IGFL4: variants seen among roughly 807,000 people sequenced by gnomAD.
IGFL4 encodes IGF like family member 4, also known as insulin growth factor-like family member 4.
IGFL4 carries 12 observed loss-of-function variants against 15.4 expected under a neutral mutation model. That is an observed-to-expected ratio of 0.78 (90% CI 0.50 to 1.26). The LOEUF (loss-of-function observed/expected upper bound fraction) is 1.26, where lower values mean the gene tolerates loss of function less well. IGFL4 is among the 50% of genes most tolerant of loss of function. IGFL4 has a pLI of 0.00. For synonymous variants in IGFL4, 54 were observed against 55.9 expected (o/e 0.97, Z 0.16); for missense variants, 126 against 147.8 (o/e 0.85, Z 0.76).
At chr19:46,059,835 G>C (rs961837945) in intron 2 of IGFL4, 2 of 152,120 alleles carry the variant, frequency 1.3e-5, no homozygotes, top group African/African-American at 4.8e-5. Context: ...TAAAAGCTGA[G>C]CCCAGCCGTG....
chr19:46,071,693 C>A (rs899879372), intron 1 of IGFL4, among the ~76,000 whole-genome samples: 2 of 152,166 alleles, frequency 1.3e-5, no homozygotes, highest in Admixed American at 1.3e-4. Context: ...AAGAAAATAA[C>A]AGCCAACAAA....
rs1031250724 is a variant in IGFL4 at position 46,059,684 on chromosome 19, A to G, written c.-323+501T>C. On this transcript the variant is annotated intron_variant, in intron 2 of 5. Transcript: ENST00000601672. ...TCCCATTTTTTACTAAAGACAAATCATGGCAAAACCAATTTGCTTTATTAT... is the reference window on the plus strand; with the variant it reads ...TCCCATTTTTTACTAAAGACAAATCGTGGCAAAACCAATTTGCTTTATTAT... 4.6e-5 allele frequency: 7 copies of G among 152,236 alleles called. No individual in the cohort carries two copies. The South Asian group carries it at 8.3e-4, about 18-fold the overall frequency. The allele number at this position is 152,236 out of a possible 1,614,324, so 9.4% of individuals were successfully genotyped here. A position where few individuals can be genotyped will look rare whatever the true frequency, so the allele number is the denominator to read the frequency against.
intron 1 of IGFL4, chr19:46,063,016 T>C (rs1165885022): frequency 1.3e-5 from 2 of 152,186 alleles, no homozygotes; most frequent in Non-Finnish European, 2.9e-5. Context: ...AGAGGGACTT[T>C]ACTGAGAGGG....
At chr19:46,067,035 A>G (rs948231738) in intron 1 of IGFL4, among the ~76,000 whole-genome samples, 6 of 152,130 alleles carry the variant, frequency 3.9e-5, no homozygotes, top group African/African-American at 7.2e-5. Context: ...GAACTCTGCA[A>G]TCTTGCTGTG....
chr19:46,055,276 C>T (rs1226240408), intron 2 of IGFL4, among the ~76,000 whole-genome samples: 1 of 152,052 alleles, frequency 6.6e-6, no homozygotes, highest in Non-Finnish European at 1.5e-5. Flanking sequence ...TGTTCTTTTC[C>T]AGATAGGGTC....
At chr19:46,069,298 A>G (rs1969523709) in intron 1 of IGFL4, among the ~76,000 whole-genome samples, 1 of 152,150 alleles carries the variant, frequency 6.6e-6, no homozygotes, top group African/African-American at 2.4e-5. Context: ...TACCCTCTGT[A>G]TTCTTCTCTC....
At chr19:46,067,799 G>C (rs1969509291) in intron 1 of IGFL4, among the ~76,000 whole-genome samples, 1 of 152,124 alleles carries the variant, frequency 6.6e-6, no homozygotes, top group Non-Finnish European at 1.5e-5. Flanking sequence ...GAAAGAGTCA[G>C]TCAGCCAGCC....
upstream of IGFL4, among the ~76,000 whole-genome samples, chr19:46,041,589 C>CT (rs763783373): frequency 5.8e-3 from 821 of 141,242 alleles, 2 homozygotes; most frequent in Admixed American, 8.7e-3. Flanking sequence ...AAAGCAGCAC[C>CT]TTTTTTTTTT....
chr19:46,056,743 G>A (rs1969396338), intron 2 of IGFL4, among the ~76,000 whole-genome samples: 1 of 152,110 alleles, frequency 6.6e-6, no homozygotes, highest in Non-Finnish European at 1.5e-5. Flanking sequence ...CTCCCTTTGA[G>A]CTGGAATTCT....
rs5828265 is a variant in IGFL4 at position 46,063,335 on chromosome 19, GCACACACACACA to G, written c.-431-3054_-431-3043del. Among the ~76,000 whole-genome samples the G allele has an allele frequency of 3.4e-5, 5 of 147,090 alleles. No individual in the cohort carries two copies. In the East Asian group the frequency reaches 6.1e-4, roughly 18 times the overall value. On this transcript the variant is annotated intron_variant, in intron 1 of 5. Coordinates refer to the IGFL4 transcript ENST00000601672. Reference sequence around the variant, plus strand: ...AAGAACATTTAGAACACACACGCATGCACACACACACACACACACACACACACACACATACAC... The same window carrying G: ...AAGAACATTTAGAACACACACGCATGCACACACACACACACACACATACAC...
intron 1 of IGFL4, among the ~76,000 whole-genome samples, chr19:46,070,184 T>A (rs905521296): frequency 6.6e-6 from 1 of 151,068 alleles, no homozygotes; most frequent in Non-Finnish European, 1.5e-5. Context: ...ACTTGAGGAA[T>A]GCATGTGTTC....
upstream of IGFL4, among the ~76,000 whole-genome samples, chr19:46,044,101 GC>G (rs1969274519): frequency 6.6e-6 from 1 of 152,282 alleles, no homozygotes; most frequent in South Asian, 2.1e-4. Flanking sequence ...GGGGACTCCT[GC>G]CCCCAGCCAA....
intron 2 of IGFL4, among the ~76,000 whole-genome samples, chr19:46,056,786 T>G (rs1314594568): frequency 6.6e-6 from 1 of 152,218 alleles, no homozygotes; most frequent in Admixed American, 6.5e-5. Flanking sequence ...AAGACAGAAA[T>G]GGAGCCCATT....
chr19:46,042,434 A>C (rs1442295055), upstream of IGFL4, among the ~76,000 whole-genome samples: 1 of 152,190 alleles, frequency 6.6e-6, no homozygotes, highest in African/African-American at 2.4e-5. Flanking sequence ...GCAACCAAGA[A>C]ATTTATGACC....
upstream of IGFL4, among the ~76,000 whole-genome samples, chr19:46,044,332 A>T (rs1427654449): frequency 6.6e-6 from 1 of 152,172 alleles, no homozygotes; most frequent in Non-Finnish European, 1.5e-5. Context: ...GCAAGGGAGG[A>T]CATCCCTCCA....
At position 46,073,159 on chromosome 19, in the gene IGFL4, G is replaced by A. The variant is rs143885939; in HGVS notation, c.-432+3861C>T. 2.9e-3 allele frequency among the ~76,000 whole-genome samples: 435 copies of A among 152,226 alleles called. 2 individuals carry two copies. Among genetic ancestry groups the A allele is most frequent in the African/African-American group, 9.5e-3 (396 of 41,528 alleles). ...ATCATTTAAGATGTTAACATTAGAC[G>A]AAGTTGGGTGAAAGATCAAAACTCT... On this transcript the variant is annotated intron_variant, in intron 1 of 5. Transcript: ENST00000601672.
At chr19:46,044,841 A>G (rs1272085253), upstream of IGFL4, among the ~76,000 whole-genome samples, 1 of 152,144 alleles carries the variant, frequency 6.6e-6, no homozygotes, top group Non-Finnish European at 1.5e-5. Context: ...GGAGGCAACC[A>G]GGGTCTTGAA....
Position 46,040,716 on chromosome 19 carries a change from G to T in IGFL4, c.20-148C>A. On this transcript the variant is annotated intron_variant, in intron 1 of 3. Coordinates refer to ENST00000377697, the MANE Select transcript of IGFL4 (RefSeq NM_001002923.3). This position sits in a 1 kb window ranked among gnomAD's most constrained non-coding sequence, Gnocchi z 4.1. ...GCTGTGGGTGCAGGTCCTGGGGACT[G>T]GGCTTGGCAGGTGAGGAAAGGCAGG... 9.9e-7 allele frequency: 1 copy of T among 1,010,286 alleles called. No homozygotes were observed. Among genetic ancestry groups the T allele is most frequent in the Non-Finnish European group, 1.5e-6 (1 of 658,098 alleles). The allele number at this position is 1,010,286 out of a possible 1,614,324, so 62.6% of individuals were successfully genotyped here.
upstream of IGFL4, among the ~76,000 whole-genome samples, chr19:46,044,532 T>C (rs1314887935): frequency 2.0e-5 from 3 of 152,066 alleles, no homozygotes; most frequent in African/African-American, 4.8e-5. Flanking sequence ...GCAGTCACCA[T>C]CTCTGTGGTT....
Sources: allele counts gnomAD v4.1 joint callset (sites outside exome capture counted in the v4.1 genomes callset), GRCh38; gene constraint gnomAD v4.1.1; non-coding constraint Gnocchi (gnomAD v3.1); transcripts MANE v1.5; gene names NCBI Gene and HGNC (gene_info 2026-07-23, HGNC 2026-07-21).